SRGAP2: variants seen among roughly 807,000 people sequenced by gnomAD.
SRGAP2 encodes SLIT-ROBO Rho GTPase activating protein 2, also known as SLIT-ROBO Rho GTPase-activating protein 2.
In SRGAP2, 15 loss-of-function variants were observed where a neutral mutation model predicts 57.2. The ratio of observed to expected loss-of-function variants is 0.26; its 90% confidence interval spans 0.18 to 0.40. SRGAP2 has a LOEUF of 0.40. Among genes scored for constraint, SRGAP2 ranks in the 10% least tolerant of loss-of-function variants. The pLI is 1.00. For synonymous variants in SRGAP2, 249 were observed against 248.0 expected (o/e 1.00, Z -0.04); for missense variants, 520 against 669.6 (o/e 0.78, Z 2.47).
intron 2 of SRGAP2, among the ~76,000 whole-genome samples, chr1:206,285,237 CT>C (rs1172127225): frequency 6.7e-6 from 1 of 149,854 alleles, no homozygotes; most frequent in East Asian, 1.9e-4. Context: ...AGTAGACATG[CT>C]GTTGCTGTTC....
intron 5 of SRGAP2, among the ~76,000 whole-genome samples, chr1:206,389,497 C>T (rs1354706436): frequency 2.0e-5 from 3 of 151,834 alleles, no homozygotes; most frequent in South Asian, 2.1e-4. Context: ...CTTTCAATAG[C>T]TTATTTTGTG....
At chr1:206,348,319 G>T (rs1675802045) in intron 4 of SRGAP2, among the ~76,000 whole-genome samples, 1 of 151,050 alleles carries the variant, frequency 6.6e-6, no homozygotes, top group Non-Finnish European at 1.5e-5. Flanking sequence ...CAGGGTTTGG[G>T]CAAATATTAT....
At chr1:206,424,378 T>C (rs1379456688) in intron 13 of SRGAP2, among the ~76,000 whole-genome samples, 9 of 152,056 alleles carry the variant, frequency 5.9e-5, no homozygotes, top group African/African-American at 1.4e-4. Context: ...TAGACACTGC[T>C]CAGTCAGTGC....
chr1:206,240,215 G>C (rs1385540892), intron 2 of SRGAP2, among the ~76,000 whole-genome samples: 3 of 149,088 alleles, frequency 2.0e-5, no homozygotes, highest in African/African-American at 7.5e-5. Flanking sequence ...GCAATGAGCT[G>C]AGATTGCACC....
chr1:206,277,154 G>A (rs1347336017), intron 2 of SRGAP2, among the ~76,000 whole-genome samples: 6 of 148,920 alleles, frequency 4.0e-5, no homozygotes, highest in Non-Finnish European at 7.4e-5. Flanking sequence ...TAGTAGAGAC[G>A]AGATTTCTCC....
At chr1:206,416,110 T>C (rs1659682000) in intron 11 of SRGAP2, 137 bp downstream of exon 11, 1 of 609,090 alleles carries the variant, frequency 1.6e-6, no homozygotes, top group East Asian at 2.8e-5. Context: ...GCTTGTTGGA[T>C]GTGGAAGCAC....
At position 206,454,461 on chromosome 1, in the gene SRGAP2, A is replaced by G. The variant is rs928897987; in HGVS notation, c.2361-417A>G. On this transcript the variant is annotated intron_variant, in intron 20 of 22. Transcript: ENST00000573034. This position sits in a 1 kb window ranked among gnomAD's most constrained non-coding sequence, Gnocchi z 4.3. Reference sequence around the variant, plus strand: ...GTCCTGCCACGACGCCGCCGTCTCCAGAGCCACCACACAGTTGACTGTCCT... The same window carrying G: ...GTCCTGCCACGACGCCGCCGTCTCCGGAGCCACCACACAGTTGACTGTCCT... The G allele has an allele frequency of 4.1e-6, 2 of 482,812 alleles. No homozygotes were observed. Among genetic ancestry groups the G allele is most frequent in the African/African-American group, 3.9e-5 (2 of 51,178 alleles). The allele number at this position is 482,812 out of a possible 1,614,324, so 29.9% of individuals were successfully genotyped here.
At chr1:206,380,404 G>T (rs1558367209) in intron 4 of SRGAP2, among the ~76,000 whole-genome samples, 2 of 148,880 alleles carry the variant, frequency 1.3e-5, no homozygotes, top group Non-Finnish European at 3.0e-5. Context: ...CCCAGCCTGA[G>T]CACACCATCA....
chr1:206,273,949 C>T, intron 2 of SRGAP2, among the ~76,000 whole-genome samples: 1 of 145,068 alleles, frequency 6.9e-6, no homozygotes, highest in South Asian at 2.2e-4. Flanking sequence ...TTTTCTATCC[C>T]TTCATTCAGT....
At chr1:206,341,085 T>TTGGTTGG (rs1675151917) in intron 3 of SRGAP2, among the ~76,000 whole-genome samples, 1 of 152,264 alleles carries the variant, frequency 6.6e-6, no homozygotes, top group African/African-American at 2.4e-5. Flanking sequence ...GTTAGACAGA[T>TTGGTTGG]ATTTGATTTG....
intron 14 of SRGAP2, among the ~76,000 whole-genome samples, chr1:206,433,047 AATC>A (rs1661410056): frequency 6.6e-6 from 1 of 152,214 alleles, no homozygotes; most frequent in South Asian, 2.1e-4. Context: ...AAAGTCAAAA[AATC>A]ATAAGTCAAA....
At chr1:206,334,515 C>T (rs1475621979) in intron 3 of SRGAP2, among the ~76,000 whole-genome samples, 4 of 152,052 alleles carry the variant, frequency 2.6e-5, no homozygotes, top group East Asian at 1.9e-4. Context: ...GTCCCAGGGA[C>T]GGGTATTTGG....
chr1:206,445,719 A>T (rs1180596014), intron 17 of SRGAP2, among the ~76,000 whole-genome samples: 1 of 152,180 alleles, frequency 6.6e-6, no homozygotes, highest in Non-Finnish European at 1.5e-5. Context: ...TGTAGCAGCC[A>T]TATTCAGCTC....
At chr1:206,371,900 C>T (rs1654592467) in intron 4 of SRGAP2, among the ~76,000 whole-genome samples, 1 of 87,724 alleles carries the variant, frequency 1.1e-5, no homozygotes, top group Non-Finnish European at 2.0e-5. Flanking sequence ...TCACTGCAGC[C>T]TTGAACTCCT....
At chr1:206,333,618 C>G (rs1353655483) in intron 3 of SRGAP2, among the ~76,000 whole-genome samples, 2 of 152,134 alleles carry the variant, frequency 1.3e-5, no homozygotes, top group Non-Finnish European at 1.5e-5. Context: ...CCTCAAGCTC[C>G]TGGGCTCAAG....
chr1:206,433,483 A>G (rs1661445808), intron 14 of SRGAP2, among the ~76,000 whole-genome samples: 1 of 152,126 alleles, frequency 6.6e-6, no homozygotes, highest in Non-Finnish European at 1.5e-5. Flanking sequence ...TACTAAAAAT[A>G]CAAAAAAATT....
chr1:206,425,532 T>G (rs531396539), intron 13 of SRGAP2, among the ~76,000 whole-genome samples: 1,900 of 152,174 alleles, frequency 0.012, 21 homozygotes, highest in South Asian at 0.026. Flanking sequence ...TTTTTTTTTG[T>G]TTTGTTTTGT....
At chr1:206,341,767 G>A (rs534584822) in intron 3 of SRGAP2, among the ~76,000 whole-genome samples, 66 of 152,316 alleles carry the variant, frequency 4.3e-4, no homozygotes, top group Non-Finnish European at 7.9e-4. Context: ...GGAGGCCAAG[G>A]TGGGTGGATC....
intron 2 of SRGAP2, among the ~76,000 whole-genome samples, chr1:206,259,814 T>C (rs1481881415): frequency 7.2e-6 from 1 of 138,566 alleles, no homozygotes; most frequent in Non-Finnish European, 1.6e-5. Flanking sequence ...ATATTGTGGG[T>C]TCTTTTAACC....
Sources: gnomAD v4.1 joint callset for allele counts (sites outside exome capture counted in the v4.1 genomes callset) on GRCh38, gnomAD v4.1.1 for gene constraint, Gnocchi (gnomAD v3.1) non-coding constraint, MANE v1.5 for transcripts, NCBI Gene and HGNC (gene_info 2026-07-23, HGNC 2026-07-21) for gene names.